Variants in LMBR1 observed in about 807,000 individuals in gnomAD.
LMBR1 encodes limb region 1 protein homolog.
In LMBR1, 52 loss-of-function variants were observed where a neutral mutation model predicts 73.9. The ratio of observed to expected loss-of-function variants is 0.70; its 90% CI spans 0.56 to 0.89. The LOEUF is 0.89. Among genes scored for constraint, LMBR1 ranks in the 40% least tolerant of loss-of-function variants. The pLI is 0.00. For missense variants in LMBR1, 539 were observed against 579.8 expected (o/e 0.93, Z 0.72); for synonymous variants, 215 against 209.4 (o/e 1.03, Z -0.23).
intron 15 of LMBR1, among the ~76,000 whole-genome samples, chr7:156,696,123 G>A (rs1808232899): frequency 6.6e-6 from 1 of 152,184 alleles, no homozygotes; most frequent in Non-Finnish European, 1.5e-5. Context: ...AGAAAACATA[G>A]AGGACAGTCT....
chr7:156,767,513 C>T (rs1005947675), intron 5 of LMBR1, among the ~76,000 whole-genome samples: 2 of 151,552 alleles, frequency 1.3e-5, no homozygotes, highest in African/African-American at 2.4e-5. Flanking sequence ...TCATTTAAAA[C>T]GATAATATTT....
intron 15 of LMBR1, among the ~76,000 whole-genome samples, chr7:156,704,441 GA>G (rs920431211): frequency 3.6e-4 from 55 of 151,814 alleles, no homozygotes; most frequent in Non-Finnish European, 6.0e-4. Context: ...ACATAGTCAA[GA>G]AAAAAAGTCC....
chr7:156,693,944 G>A (rs1054330935), intron 15 of LMBR1, among the ~76,000 whole-genome samples: 5 of 152,106 alleles, frequency 3.3e-5, no homozygotes, highest in South Asian at 2.1e-4. Context: ...AGGATCGTAC[G>A]CCCTAGCCAA....
chr7:156,725,053 G>A (rs1563217232), intron 14 of LMBR1, among the ~76,000 whole-genome samples: 1 of 152,130 alleles, frequency 6.6e-6, no homozygotes, highest in Non-Finnish European at 1.5e-5. Flanking sequence ...ATTCAAATTT[G>A]AAATACTTTG....
At chr7:156,833,650 T>C (rs1837078197) in intron 3 of LMBR1, 103 bp downstream of exon 3, 1 of 797,804 alleles carries the variant, frequency 1.3e-6, no homozygotes, top group East Asian at 2.6e-5. Flanking sequence ...TGTAATGTGC[T>C]GGGTGAATAT....
chr7:156,876,454 C>T (rs1020705536), intron 1 of LMBR1, among the ~76,000 whole-genome samples: 6 of 152,104 alleles, frequency 3.9e-5, no homozygotes, highest in African/African-American at 1.4e-4. Flanking sequence ...TTAAACTATA[C>T]CCTGGAACAA....
At chr7:156,760,830 T>C (rs552745257) in intron 8 of LMBR1, among the ~76,000 whole-genome samples, 1 of 152,354 alleles carries the variant, frequency 6.6e-6, no homozygotes, top group East Asian at 1.9e-4. Context: ...ACTTCCTCAG[T>C]ATTTTCCCTA....
At chr7:156,867,657 A>G (rs1798654215) in intron 1 of LMBR1, among the ~76,000 whole-genome samples, 1 of 152,272 alleles carries the variant, frequency 6.6e-6, no homozygotes, top group Admixed American at 6.5e-5. Context: ...AGCTAGATAT[A>G]AAATAGTACA....
In LMBR1 at chr7:156,700,230, A is replaced by G. The variant is rs572834742; in HGVS notation, c.1226-12039T>C. On this transcript the variant is annotated intron_variant, in intron 15 of 16. Transcript: ENST00000353442. ...ATGCAGCCATAAAAATGATGAGTTC[A>G]TGTCCTTTGTAGGGACATGGATGAA... Among the ~76,000 whole-genome samples, 6 of 152,352 alleles carry G rather than the reference A, an allele frequency of 3.9e-5. No individual in the cohort carries two copies. The East Asian group carries it at 9.6e-4, about 24-fold the overall frequency.
chr7:156,874,537 C>T (rs1422860674), intron 1 of LMBR1, among the ~76,000 whole-genome samples: 4 of 152,352 alleles, frequency 2.6e-5, no homozygotes, highest in South Asian at 2.1e-4. Context: ...GCGAGGGCCC[C>T]GAGGACCGCC....
chr7:156,890,431 T>C (rs544644107), intron 1 of LMBR1, among the ~76,000 whole-genome samples: 19 of 152,366 alleles, frequency 1.2e-4, no homozygotes, highest in Admixed American at 1.2e-3. Flanking sequence ...TATATATTTC[T>C]GACAAAGAAA....
chr7:156,848,426 A>G (rs896635392), intron 1 of LMBR1, among the ~76,000 whole-genome samples: 3 of 152,222 alleles, frequency 2.0e-5, no homozygotes, highest in African/African-American at 7.2e-5. Context: ...CAACAAGCAT[A>G]TGAAAAAATG....
chr7:156,852,702 G>A (rs1334194701), intron 1 of LMBR1, among the ~76,000 whole-genome samples: 1 of 152,196 alleles, frequency 6.6e-6, no homozygotes, highest in African/African-American at 2.4e-5. Flanking sequence ...TCTGGGGACA[G>A]TTTAGTTGTC....
In LMBR1 at chr7:156,728,722, T is replaced by C. The variant is rs1816255191; in HGVS notation, c.839-2A>G. The C allele has an allele frequency of 1.3e-6, 2 of 1,589,880 alleles. No homozygotes were observed. The highest frequency in any genetic ancestry group is 1.8e-5 in the Admixed American group (1 of 54,388). On this transcript the variant is annotated splice_acceptor_variant, in intron 10 of 16. Coordinates refer to ENST00000353442, the MANE Select transcript of LMBR1 (RefSeq NM_022458.4). LOFTEE classifies it high-confidence loss of function. Reference sequence around the variant, plus strand: ...ATGCTGAAGCCTTTTTTCGCCTCTCTATTAAAAGGAAAAACAAAATAAAAC... The same window carrying C: ...ATGCTGAAGCCTTTTTTCGCCTCTCCATTAAAAGGAAAAACAAAATAAAAC...
At chr7:156,671,068 A>C (rs1256466736) in intron 4 of LMBR1, among the ~76,000 whole-genome samples, 2 of 152,238 alleles carry the variant, frequency 1.3e-5, no homozygotes, top group Non-Finnish European at 2.9e-5. Context: ...TTTAGACCTT[A>C]ATAATGTAAG....
At chr7:156,766,501 G>A (rs968480826) in intron 5 of LMBR1, among the ~76,000 whole-genome samples, 10 of 152,050 alleles carry the variant, frequency 6.6e-5, no homozygotes, top group Admixed American at 1.3e-4. Flanking sequence ...CATGAAACTC[G>A]GAGACTAACT....
At chr7:156,798,757 G>C (rs1016792770) in intron 4 of LMBR1, among the ~76,000 whole-genome samples, 11 of 151,926 alleles carry the variant, frequency 7.2e-5, no homozygotes, top group African/African-American at 2.7e-4. Context: ...CTTTATTTAG[G>C]CGTGGTGAAA....
chr7:156,888,123 C>A (rs1263723059), intron 1 of LMBR1, among the ~76,000 whole-genome samples: 1 of 152,108 alleles, frequency 6.6e-6, no homozygotes, highest in Non-Finnish European at 1.5e-5. Context: ...AAAAATTAAA[C>A]ATAGAGGCCG....
intron 10 of LMBR1, among the ~76,000 whole-genome samples, chr7:156,733,295 A>G (rs1817213007): frequency 6.6e-6 from 1 of 152,254 alleles, no homozygotes; most frequent in East Asian, 1.9e-4. Context: ...ACCAGTGATT[A>G]TGAGGTAAAA....
Sources: gnomAD v4.1 joint callset for allele counts (sites outside exome capture counted in the v4.1 genomes callset) on GRCh38, gnomAD v4.1.1 for gene constraint, MANE v1.5 for transcripts, NCBI Gene and HGNC (gene_info 2026-07-23, HGNC 2026-07-21) for gene names.